The following LUZP2 variants were observed in gnomAD, a reference collection of about 807,000 sequenced individuals.
LUZP2 encodes the protein leucine zipper protein 2.
In LUZP2, 52 loss-of-function variants were observed where a neutral mutation model predicts 51.6. The observed-to-expected ratio is 1.01, with a 90% confidence interval of 0.81 to 1.27. The LOEUF (loss-of-function observed/expected upper bound fraction) is 1.27, where lower values mean the gene tolerates loss of function less well. Ranked by LOEUF, LUZP2 falls within the 50% of genes most tolerant of loss-of-function variation. The probability of loss-of-function intolerance (pLI) is 0.00; values close to 1 mark genes in which losing one functional copy is unlikely to be tolerated. For synonymous variants in LUZP2, 154 were observed against 137.3 expected, an observed-to-expected ratio of 1.12 and a Z score of -0.85; for missense variants, 436 against 395.4, an observed-to-expected ratio of 1.10 and a Z score of -0.87.
chr11:24,800,779 G>C (rs1849675021), intron 5 of LUZP2, among the ~76,000 whole-genome samples: 2 of 152,068 alleles, frequency 1.3e-5, no homozygotes, highest in Non-Finnish European at 2.9e-5. Flanking sequence ...GAAAACATAA[G>C]AAAGATAAAC....
intron 1 of LUZP2, among the ~76,000 whole-genome samples, chr11:24,724,534 G>C (rs1414695169): frequency 6.6e-6 from 1 of 152,106 alleles, no homozygotes; most frequent in African/African-American, 2.4e-5. Context: ...TCATGCCACT[G>C]TACTCCAGCC....
chr11:25,053,491 C>T (rs1277492935), intron 10 of LUZP2, among the ~76,000 whole-genome samples: 1 of 151,076 alleles, frequency 6.6e-6, no homozygotes, highest in East Asian at 1.9e-4. Flanking sequence ...GAGTCCAGGA[C>T]TGTAATCCAG....
intron 5 of LUZP2, among the ~76,000 whole-genome samples, chr11:24,865,723 T>A (rs1230741494): frequency 2.2e-5 from 1 of 45,080 alleles, no homozygotes; most frequent in African/African-American, 5.5e-5. Context: ...TATATATATA[T>A]ATATGTGTGT....
intron 1 of LUZP2, among the ~76,000 whole-genome samples, chr11:24,500,352 C>G (rs1849957503): frequency 1.3e-5 from 2 of 152,012 alleles, no homozygotes; most frequent in Non-Finnish European, 2.9e-5. Flanking sequence ...AATAATGTAA[C>G]TAATACAGAA....
chr11:24,774,362 C>CTCTCTCTCTCTATATA lies in LUZP2; in HGVS notation c.396+11055_396+11056insCTCTCTCTCTATATAT, dbSNP rs776739280. 1.6e-3 allele frequency among the ~76,000 whole-genome samples: 122 copies of CTCTCTCTCTCTATATA among 76,294 alleles called. 2 individuals are homozygous for CTCTCTCTCTCTATATA. The highest frequency in any genetic ancestry group is 6.8e-3 in the East Asian group (14 of 2,072). 50.1% of individuals were successfully genotyped at this position (76,294 alleles called of 152,430 possible). On this transcript the variant is annotated intron_variant, in intron 5 of 11. Coordinates refer to ENST00000336930, the MANE Select transcript of LUZP2 (RefSeq NM_001009909.4). Reference sequence around the variant, plus strand: ...TCTCTCTCTCTCTCTCTCTCTCTCTCTATATATATATATATATATACATAC... The same window carrying CTCTCTCTCTCTATATA: ...TCTCTCTCTCTCTCTCTCTCTCTCTCTCTCTCTCTCTATATATATATATATATATATATATACATAC...
intron 1 of LUZP2, among the ~76,000 whole-genome samples, chr11:24,616,712 A>T (rs1261200561): frequency 6.6e-6 from 1 of 152,148 alleles, no homozygotes; most frequent in Non-Finnish European, 1.5e-5. Context: ...GTAGCTGTAT[A>T]TTAAGTCTGG....
At chr11:24,969,849 G>T (rs999248960) in intron 7 of LUZP2, among the ~76,000 whole-genome samples, 1 of 152,016 alleles carries the variant, frequency 6.6e-6, no homozygotes, top group African/African-American at 2.4e-5. Flanking sequence ...CATTTTAGGA[G>T]GCCAGTCCAT....
chr11:24,757,344 T>C lies in LUZP2; in HGVS notation c.334-5902T>C, dbSNP rs373148040. Among the ~76,000 whole-genome samples the C allele has an allele frequency of 1.2e-4, 19 of 152,224 alleles. No individual in the cohort carries two copies. The South Asian group carries it at 3.9e-3, about 32-fold the overall frequency. On this transcript the variant is annotated intron_variant, in intron 4 of 11. Transcript: ENST00000336930. ...AACTCTATTTTAATAAAAGTAAAAA[T>C]AATTTTTATAAGAGGTCAAATAATT...
At chr11:24,889,438 C>T (rs1320063119) in intron 5 of LUZP2, among the ~76,000 whole-genome samples, 1 of 152,142 alleles carries the variant, frequency 6.6e-6, no homozygotes, top group Non-Finnish European at 1.5e-5. Context: ...AAAATCTATT[C>T]TCAGATAAAC....
chr11:24,791,131 G>A (rs745306824), intron 5 of LUZP2, among the ~76,000 whole-genome samples: 1 of 152,066 alleles, frequency 6.6e-6, no homozygotes, highest in Admixed American at 6.6e-5. Flanking sequence ...AAAACACTTC[G>A]TAATAATTGT....
intron 9 of LUZP2, among the ~76,000 whole-genome samples, chr11:24,983,796 T>C (rs1160872645): frequency 1.4e-5 from 2 of 138,138 alleles, no homozygotes; most frequent in Non-Finnish European, 3.1e-5. Flanking sequence ...GGGTTTTTTT[T>C]CCCAGACCTA....
At chr11:25,062,718 T>C (rs924767589) in intron 10 of LUZP2, among the ~76,000 whole-genome samples, 23 of 151,402 alleles carry the variant, frequency 1.5e-4, no homozygotes, top group African/African-American at 5.6e-4. Context: ...ATACCGAGTT[T>C]AATATATTTT....
chr11:24,993,276 T>G (rs2133929598), intron 9 of LUZP2, among the ~76,000 whole-genome samples: 1 of 152,282 alleles, frequency 6.6e-6, no homozygotes, highest in East Asian at 1.9e-4. Context: ...TCTGTTTTAC[T>G]TTGTTTTCAA....
At chr11:24,631,248 G>A (rs1403535991) in intron 1 of LUZP2, among the ~76,000 whole-genome samples, 2 of 151,626 alleles carry the variant, frequency 1.3e-5, no homozygotes, top group Non-Finnish European at 2.9e-5. Context: ...GGTGAAAGTG[G>A]GCATTGTTGT....
intron 10 of LUZP2, among the ~76,000 whole-genome samples, chr11:25,055,473 T>A (rs1280726717): frequency 6.6e-6 from 1 of 152,164 alleles, no homozygotes; most frequent in Non-Finnish European, 1.5e-5. Context: ...GCTATATATA[T>A]AAATGCAAGT....
chr11:25,014,373 A>G (rs1267500187), intron 9 of LUZP2, among the ~76,000 whole-genome samples: 1 of 152,168 alleles, frequency 6.6e-6, no homozygotes, highest in African/African-American at 2.4e-5. Context: ...CCAACAGTGT[A>G]AAAGTCTTCC....
At chr11:24,864,427 A>G (rs1347701687) in intron 5 of LUZP2, among the ~76,000 whole-genome samples, 1 of 152,224 alleles carries the variant, frequency 6.6e-6, no homozygotes, top group African/African-American at 2.4e-5. Context: ...ACAGACTCAG[A>G]AATAAATAAA....
In LUZP2 at chr11:24,602,168, GTA is replaced by G. The variant is rs1157321392; in HGVS notation, c.62+104871_62+104872del. 9.4e-4 allele frequency among the ~76,000 whole-genome samples: 73 copies of G among 77,732 alleles called. 3 individuals carry two copies. The highest frequency in any genetic ancestry group is 2.3e-3 in the Admixed American group (15 of 6,638). 51.0% of individuals were successfully genotyped at this position (77,732 alleles called of 152,430 possible). A position where few individuals can be genotyped will look rare whatever the true frequency, so the allele number is the denominator to read the frequency against. Reference sequence around the variant, plus strand: ...TATATATGTATATATGTATATATGTGTATATATATGTGTATATATGTATATAT... The same window carrying G: ...TATATATGTATATATGTATATATGTGTATATATGTGTATATATGTATATAT... On this transcript the variant is annotated intron_variant, in intron 1 of 11. Transcript: ENST00000336930.
intron 7 of LUZP2, among the ~76,000 whole-genome samples, chr11:24,963,290 C>T (rs1006074674): frequency 6.6e-6 from 1 of 152,192 alleles, no homozygotes; most frequent in East Asian, 1.9e-4. Context: ...CTGCTCTCTT[C>T]AAAGCTGTCA....
Sources: allele counts gnomAD v4.1 joint callset (sites outside exome capture counted in the v4.1 genomes callset), GRCh38; gene constraint gnomAD v4.1.1; transcripts MANE v1.5; gene names NCBI Gene and HGNC (gene_info 2026-07-23, HGNC 2026-07-21).